ADAMTS2: variants seen among roughly 807,000 people sequenced by gnomAD.
The protein encoded by ADAMTS2 is A disintegrin and metalloproteinase with thrombospondin motifs 2.
A neutral mutation model predicts 123.0 loss-of-function variants in ADAMTS2; 50 were observed. The observed-to-expected ratio is 0.41, with a 90% CI of 0.32 to 0.51. The LOEUF (loss-of-function observed/expected upper bound fraction) is 0.51, where lower values mean the gene tolerates loss of function less well. Among genes scored for constraint, ADAMTS2 ranks in the 20% least tolerant of loss-of-function variants. The pLI, the probability that ADAMTS2 is intolerant of heterozygous loss-of-function variation, is 0.35. For missense variants in ADAMTS2, 1,494 were observed against 1,705.2 expected (o/e 0.88, Z 2.18); for synonymous variants, 678 against 695.4 (o/e 0.98, Z 0.39).
chr5:179,159,007 G>A (rs1581160174), intron 5 of ADAMTS2, 128 bp from the exon 6 acceptor site: 1 of 1,259,310 alleles, frequency 7.9e-7, no homozygotes, highest in South Asian at 1.4e-5. Context: ...CAAAGGCCCT[G>A]CCCGGTCACT....
Position 179,174,465 on chromosome 5 carries a change from G to A in ADAMTS2, c.975+6607C>T, listed in dbSNP as rs62396137. Among the ~76,000 whole-genome samples the A allele has an allele frequency of 0.028, 4,238 of 152,122 alleles. 330 individuals are homozygous for A. The East Asian group carries it at 0.29, about 11-fold the overall frequency. ...TTGGATTTATGCTTAGAAAGCTCTT[G>A]ACAACCAATATTTTCTTCTTGATTT... On this transcript the variant is annotated intron_variant, in intron 5 of 21. Coordinates refer to ENST00000251582, the MANE Select transcript of ADAMTS2 (RefSeq NM_014244.5).
chr5:179,300,756 C>T lies in ADAMTS2; in HGVS notation c.535-27692G>A, dbSNP rs940297350. On this transcript the variant is annotated intron_variant, in intron 2 of 21. Transcript: ENST00000251582. ...CACACTCAAAAGTGCACTTTAAGGC[C>T]AAGCTCCGAATAAACACGATGATAT... Among the ~76,000 whole-genome samples, 12 of 152,304 alleles carry T rather than the reference C, an allele frequency of 7.9e-5. No individual in the cohort carries two copies. In the South Asian group the frequency reaches 1.9e-3, roughly 24 times the overall value.
intron 6 of ADAMTS2, among the ~76,000 whole-genome samples, chr5:179,156,063 A>C (rs545930591): frequency 6.6e-6 from 1 of 152,234 alleles, no homozygotes; most frequent in South Asian, 2.1e-4. Flanking sequence ...GAACGTTGCC[A>C]TCTCCTCTTT....
intron 17 of ADAMTS2, 68 bp from the exon 18 acceptor site, chr5:179,126,198 G>A: frequency 3.7e-6 from 6 of 1,600,454 alleles, no homozygotes; most frequent in Non-Finnish European, 5.1e-6. Context: ...AAGGAGGGGT[G>A]GGCTGCACCA....
intron 2 of ADAMTS2, among the ~76,000 whole-genome samples, chr5:179,284,302 C>T (rs1295998893): frequency 6.6e-6 from 1 of 151,874 alleles, no homozygotes; most frequent in African/African-American, 2.4e-5. Context: ...GCACTCCATT[C>T]TGGGCAACAG....
chr5:179,221,028 C>A (rs904564335), intron 3 of ADAMTS2, among the ~76,000 whole-genome samples: 4 of 152,186 alleles, frequency 2.6e-5, no homozygotes, highest in Non-Finnish European at 5.9e-5. Flanking sequence ...GGAGTCCAGG[C>A]ACACAGCAGT....
At chr5:179,266,121 G>A (rs1398235704) in intron 3 of ADAMTS2, among the ~76,000 whole-genome samples, 1 of 152,132 alleles carries the variant, frequency 6.6e-6, no homozygotes, top group African/African-American at 2.4e-5. Context: ...ACAAGACGCT[G>A]GCCAGGTCCA....
At chr5:179,213,015 C>A (rs1164336934) in intron 3 of ADAMTS2, among the ~76,000 whole-genome samples, 1 of 152,120 alleles carries the variant, frequency 6.6e-6, no homozygotes, top group Non-Finnish European at 1.5e-5. Flanking sequence ...ACTCAGAGCT[C>A]TTGAAAGACA....
intron 2 of ADAMTS2, among the ~76,000 whole-genome samples, chr5:179,301,254 G>A (rs547506459): frequency 1.2e-3 from 176 of 152,020 alleles, no homozygotes; most frequent in Non-Finnish European, 2.0e-3. Flanking sequence ...GAGCCCAGCC[G>A]AAACTTGAGA....
In ADAMTS2 at chr5:179,180,836, C is replaced by T. The variant is rs1312617291; in HGVS notation, c.975+236G>A. On this transcript the variant is annotated intron_variant, in intron 5 of 21. Coordinates refer to ENST00000251582, the MANE Select transcript of ADAMTS2 (RefSeq NM_014244.5). The surrounding 1 kb of genome is among the most constrained non-coding windows in gnomAD (Gnocchi z 4.6). ...CCCCCGTGGCCTGGTATGTCTCTTC[C>T]TCTTGGGATCTGGGAGTAACAGACT... Among the ~76,000 whole-genome samples, 1 of 152,200 alleles carries T rather than the reference C, an allele frequency of 6.6e-6. No individual in the cohort carries two copies. The highest frequency in any genetic ancestry group is 1.5e-5 in the Non-Finnish European group (1 of 68,042).
At chr5:179,284,293 C>T (rs1014693051) in intron 2 of ADAMTS2, among the ~76,000 whole-genome samples, 3 of 151,876 alleles carry the variant, frequency 2.0e-5, no homozygotes, top group Non-Finnish European at 2.9e-5. Flanking sequence ...TGCATCACTG[C>T]ACTCCATTCT....
At chr5:179,198,240 G>A (rs1764474939) in intron 4 of ADAMTS2, among the ~76,000 whole-genome samples, 1 of 152,236 alleles carries the variant, frequency 6.6e-6, no homozygotes, top group Middle Eastern at 3.2e-3. Flanking sequence ...CTGAGCCAGA[G>A]TAGAAAGCTG....
Position 179,122,710 on chromosome 5 carries a change from T to G in ADAMTS2, c.3022A>C (p.Ser1008Arg). The G allele has an allele frequency of 6.4e-7, 1 of 1,552,032 alleles. No individual in the cohort carries two copies. The highest frequency in any genetic ancestry group is 8.7e-7 in the Non-Finnish European group (1 of 1,147,820). Residue 1008 changes from serine to arginine, a missense_variant, in exon 20 of 22, where the codon AGC becomes CGC. Ser to Arg is a moderately radical substitution (Grantham distance 110). This residue lies in a region of ADAMTS2 where 953 missense variants were observed against 1,124.7 expected (regional missense o/e 0.85). Transcript: ENST00000251582. Reference sequence around the variant, plus strand: ...CGCTCCTCCTGGCAGATGCCGAAGCTGTCGTCCGCGGTGCGGCAGAGCACT... The same window carrying G: ...CGCTCCTCCTGGCAGATGCCGAAGCGGTCGTCCGCGGTGCGGCAGAGCACT... Reference protein sequence around the residue: ...RPVLCRTADDSFGICQEERPE... With the variant: ...RPVLCRTADDRFGICQEERPE...
At position 179,234,075 on chromosome 5, in the gene ADAMTS2, C is replaced by T. The variant is rs1416989168; in HGVS notation, c.689-26360G>A. Among the ~76,000 whole-genome samples the T allele has an allele frequency of 2.0e-5, 3 of 152,176 alleles. No individual in the cohort carries two copies. The highest frequency in any genetic ancestry group is 2.9e-5 in the Non-Finnish European group (2 of 68,014). ...CAGGCCCTTCCACAGCCCGACTCCCCGTGGACTCTGCAGGTTTCCTAATGT... is the reference window on the plus strand; with the variant it reads ...CAGGCCCTTCCACAGCCCGACTCCCTGTGGACTCTGCAGGTTTCCTAATGT... On this transcript the variant is annotated intron_variant, in intron 3 of 21. Coordinates refer to ENST00000251582, the MANE Select transcript of ADAMTS2 (RefSeq NM_014244.5). The surrounding 1 kb of genome is among the most constrained non-coding windows in gnomAD (Gnocchi z 4.7).
At chr5:179,230,367 C>T (rs1239554984) in intron 3 of ADAMTS2, among the ~76,000 whole-genome samples, 3 of 152,094 alleles carry the variant, frequency 2.0e-5, no homozygotes, top group Non-Finnish European at 2.9e-5. Context: ...GCATTGATGC[C>T]GAGATGCTCA....
chr5:179,189,518 T>C lies in ADAMTS2; in HGVS notation c.892-8363A>G, dbSNP rs1764253761. 7.3e-6 allele frequency among the ~76,000 whole-genome samples: 1 copy of C among 137,884 alleles called. No homozygotes were observed. Among genetic ancestry groups the C allele is most frequent in the African/African-American group, 2.7e-5 (1 of 36,950 alleles). 90.5% of individuals were successfully genotyped at this position (137,884 alleles called of 152,430 possible). A position where few individuals can be genotyped will look rare whatever the true frequency, so the allele number is the denominator to read the frequency against. The stretch of plus-strand genomic sequence containing the variant: ...GCCCGCCAGTGCGCCTGGTTTTTTT[T>C]TTTTTTTTTTTTTTTTTTTTAGTAG... On this transcript the variant is annotated intron_variant, in intron 4 of 21. Transcript: ENST00000251582. This position sits in a 1 kb window ranked among gnomAD's most constrained non-coding sequence, Gnocchi z 4.2.
At chr5:179,230,238 G>C (rs1049833383) in intron 3 of ADAMTS2, among the ~76,000 whole-genome samples, 1 of 152,148 alleles carries the variant, frequency 6.6e-6, no homozygotes, top group Non-Finnish European at 1.5e-5. Flanking sequence ...CGGGGGCAAG[G>C]GGGGAGGGGA....
At chr5:179,261,571 C>G (rs1766225917) in intron 3 of ADAMTS2, among the ~76,000 whole-genome samples, 1 of 152,256 alleles carries the variant, frequency 6.6e-6, no homozygotes, top group African/African-American at 2.4e-5. Context: ...GAGGTCAGCT[C>G]CCAGGATGTC....
At chr5:179,114,374 T>G in intron 21 of ADAMTS2, 50 bp from the exon 22 acceptor site, 2 of 1,554,516 alleles carry the variant, frequency 1.3e-6, no homozygotes, top group Non-Finnish European at 1.8e-6. Flanking sequence ...TAAGGGGGAC[T>G]TTGTTCCCCC....
Sources: gnomAD v4.1 joint callset for allele counts (sites outside exome capture counted in the v4.1 genomes callset) on GRCh38, gnomAD v4.1.1 for gene constraint, gnomAD v4.1.1 regional missense constraint, Gnocchi (gnomAD v3.1) non-coding constraint, MANE v1.5 for transcripts, NCBI Gene and HGNC (gene_info 2026-07-23, HGNC 2026-07-21) for gene names.